Variants in NDST4 observed in about 807,000 individuals in gnomAD.
The protein encoded by NDST4 is N-heparan sulfate sulfotransferase 4.
NDST4 carries 63 observed loss-of-function variants against 100.8 expected under a neutral mutation model. The observed-to-expected ratio is 0.62, with a 90% CI of 0.51 to 0.77. The LOEUF (loss-of-function observed/expected upper bound fraction) is 0.77, where lower values mean the gene tolerates loss of function less well. NDST4 is among the 30% of genes least tolerant of loss of function. The pLI is 0.00. For missense variants in NDST4, 943 were observed against 1,018.4 expected (o/e 0.93, Z 1.01); for synonymous variants, 377 against 361.8 (o/e 1.04, Z -0.48).
At chr4:114,851,792 C>A (rs149726338) in intron 8 of NDST4, among the ~76,000 whole-genome samples, 1 of 152,102 alleles carries the variant, frequency 6.6e-6, no homozygotes, top group Admixed American at 6.6e-5. Context: ...TGTTGTAATA[C>A]AATTTATATT....
At chr4:115,097,930 A>G (rs1364068496) in intron 1 of NDST4, among the ~76,000 whole-genome samples, 2 of 152,216 alleles carry the variant, frequency 1.3e-5, no homozygotes, top group East Asian at 1.9e-4. Flanking sequence ...TGAACCAGAT[A>G]TAAACATGGC....
chr4:114,913,774 C>T (rs961201844), intron 6 of NDST4, among the ~76,000 whole-genome samples: 3 of 149,734 alleles, frequency 2.0e-5, no homozygotes, highest in African/African-American at 7.3e-5. Flanking sequence ...ATTCATTTTG[C>T]CCTTCAGTAT....
At chr4:115,004,113 T>C (rs1247422412) in intron 2 of NDST4, among the ~76,000 whole-genome samples, 2 of 152,112 alleles carry the variant, frequency 1.3e-5, no homozygotes, top group Admixed American at 6.6e-5. Flanking sequence ...TTTGCCTATC[T>C]CTATGGATCT....
intron 11 of NDST4, among the ~76,000 whole-genome samples, chr4:114,836,303 C>T (rs1723304207): frequency 6.6e-6 from 1 of 152,140 alleles, no homozygotes; most frequent in East Asian, 1.9e-4. Flanking sequence ...GTAAGGCAGG[C>T]CTGGTGGTGA....
At chr4:115,040,181 T>C (rs190286805) in intron 2 of NDST4, among the ~76,000 whole-genome samples, 12 of 151,578 alleles carry the variant, frequency 7.9e-5, no homozygotes, top group African/African-American at 2.4e-4. Context: ...TGCAACTTGT[T>C]TCCATGGTTT....
chr4:115,072,421 C>T (rs1729096746), intron 2 of NDST4, among the ~76,000 whole-genome samples: 1 of 151,332 alleles, frequency 6.6e-6, no homozygotes, highest in Non-Finnish European at 1.5e-5. Context: ...TTGAGGAAAA[C>T]AAAACAAAGC....
chr4:114,895,569 T>A (rs931445712), intron 6 of NDST4, among the ~76,000 whole-genome samples: 2 of 152,168 alleles, frequency 1.3e-5, no homozygotes, highest in Non-Finnish European at 2.9e-5. Flanking sequence ...AAAGAGGAAC[T>A]GGTACCATTC....
intron 10 of NDST4, among the ~76,000 whole-genome samples, chr4:114,845,288 C>A (rs139511886): frequency 6.6e-6 from 1 of 152,040 alleles, no homozygotes; most frequent in African/African-American, 2.4e-5. Context: ...GCTATGATCA[C>A]GCCACTGCAC....
At chr4:114,991,537 T>C (rs7696723) in intron 2 of NDST4, among the ~76,000 whole-genome samples, 5,075 of 152,148 alleles carry the variant, frequency 0.033, 294 homozygotes, top group African/African-American at 0.12. Context: ...GAATACACAT[T>C]GTATATTCAG....
At chr4:114,892,136 A>T (rs945128066) in intron 6 of NDST4, among the ~76,000 whole-genome samples, 2 of 152,124 alleles carry the variant, frequency 1.3e-5, no homozygotes, top group Non-Finnish European at 2.9e-5. Flanking sequence ...TTTCCTATTG[A>T]ATTGGAAGCT....
intron 4 of NDST4, among the ~76,000 whole-genome samples, chr4:114,941,306 T>A (rs982590285): frequency 6.6e-6 from 1 of 152,122 alleles, no homozygotes; most frequent in African/African-American, 2.4e-5. Flanking sequence ...TTGCTCTTAC[T>A]TTTTCACTAA....
At chr4:114,967,732 G>A (rs1726414444) in intron 4 of NDST4, among the ~76,000 whole-genome samples, 1 of 152,048 alleles carries the variant, frequency 6.6e-6, no homozygotes, top group South Asian at 2.1e-4. Context: ...CCACATTTAT[G>A]AGACATTTCC....
chr4:114,975,965 A>G (rs911507124), intron 3 of NDST4, among the ~76,000 whole-genome samples: 4 of 152,234 alleles, frequency 2.6e-5, no homozygotes, highest in Middle Eastern at 3.4e-3. Context: ...CTTTCTGCAA[A>G]ACATCCTTTT....
chr4:114,951,253 C>T (rs1214652866), intron 4 of NDST4, among the ~76,000 whole-genome samples: 3 of 151,896 alleles, frequency 2.0e-5, no homozygotes, highest in Non-Finnish European at 4.4e-5. Context: ...TTTTTATCAT[C>T]CATGTTCTTT....
chr4:114,929,620 C>T (rs550852785), intron 6 of NDST4, among the ~76,000 whole-genome samples: 22 of 152,076 alleles, frequency 1.4e-4, no homozygotes, highest in Admixed American at 3.3e-4. Context: ...TCCTATTCTG[C>T]CTAAAATTGA....
At chr4:115,112,156 C>T (rs1378967713) in intron 1 of NDST4, among the ~76,000 whole-genome samples, 1 of 149,264 alleles carries the variant, frequency 6.7e-6, no homozygotes, top group East Asian at 2.0e-4. Context: ...ATATAGCTAA[C>T]TGGCATACTT....
At chr4:115,051,626 T>C (rs1728585775) in intron 2 of NDST4, among the ~76,000 whole-genome samples, 1 of 152,172 alleles carries the variant, frequency 6.6e-6, no homozygotes, top group Non-Finnish European at 1.5e-5. Flanking sequence ...AATACTTCAC[T>C]GTGTATATGT....
intron 10 of NDST4, among the ~76,000 whole-genome samples, chr4:114,843,197 A>T (rs996684069): frequency 2.0e-4 from 31 of 152,206 alleles, no homozygotes; most frequent in African/African-American, 7.5e-4. Context: ...GGCTTTTAAA[A>T]TATATTTTTG....
chr4:115,111,098 A>G (rs1268844319), intron 1 of NDST4, among the ~76,000 whole-genome samples: 1 of 151,952 alleles, frequency 6.6e-6, no homozygotes, highest in African/African-American at 2.4e-5. Context: ...TGATGCACAC[A>G]AAGTTTGATC....
Sources: gnomAD v4.1 joint callset for allele counts (sites outside exome capture counted in the v4.1 genomes callset) on GRCh38, gnomAD v4.1.1 for gene constraint, MANE v1.5 for transcripts, NCBI Gene and HGNC (gene_info 2026-07-23, HGNC 2026-07-21) for gene names.